Variants in CCDC172 observed in about 807,000 individuals in gnomAD.
CCDC172 encodes the protein coiled-coil domain containing 172, also known as coiled-coil domain-containing protein 172.
CCDC172 carries 30 observed loss-of-function variants against 38.0 expected under a neutral mutation model. That is an observed-to-expected ratio of 0.79 (90% CI 0.59 to 1.07). The LOEUF is 1.07. CCDC172 is among the 50% of genes least tolerant of loss of function. The pLI is 0.00. For missense variants in CCDC172, 297 were observed against 290.1 expected, an observed-to-expected ratio of 1.02 and a Z score of -0.17; for synonymous variants, 78 against 88.3, an observed-to-expected ratio of 0.88 and a Z score of 0.66.
chr10:116,357,912 G>T lies in CCDC172; in HGVS notation c.627G>T (p.Lys209Asn). 2.5e-6 allele frequency: 4 copies of T among 1,575,672 alleles called. No individual in the cohort carries two copies. The highest frequency in any genetic ancestry group is 3.4e-6 in the Non-Finnish European group (4 of 1,159,736). Residue 209 changes from lysine to asparagine, a missense_variant, in exon 7 of 9, where the codon AAG (lysine) becomes AAT (asparagine). Coordinates refer to ENST00000333254, the MANE Select transcript of CCDC172 (RefSeq NM_198515.3). ...LEAEKIKISE[K>N]PQNDTECLRL... is the part of the protein sequence containing the mutation. ...CAGAAAAAATAAAAATCAGTGAAAAGCCTCAAAATGATACAGAATGCTTAA... is the reference window on the plus strand; with the variant it reads ...CAGAAAAAATAAAAATCAGTGAAAATCCTCAAAATGATACAGAATGCTTAA...
At chr10:116,345,417 C>T (rs942784608) in intron 5 of CCDC172, among the ~76,000 whole-genome samples, 1 of 151,874 alleles carries the variant, frequency 6.6e-6, no homozygotes, top group Admixed American at 6.6e-5. Flanking sequence ...AAATCTTTTC[C>T]ATCTTGGAAT....
At chr10:116,351,663 C>T (rs1423170055) in intron 5 of CCDC172, among the ~76,000 whole-genome samples, 1 of 152,076 alleles carries the variant, frequency 6.6e-6, no homozygotes, top group Non-Finnish European at 1.5e-5. Context: ...TCTATCACAA[C>T]TAAAAGACTG....
intron 3 of CCDC172, among the ~76,000 whole-genome samples, chr10:116,338,213 C>G (rs1844753277): frequency 6.6e-6 from 1 of 152,036 alleles, no homozygotes; most frequent in Non-Finnish European, 1.5e-5. Context: ...TTTAACTTTC[C>G]CAAACTCCTG....
intron 7 of CCDC172, among the ~76,000 whole-genome samples, chr10:116,359,568 A>G (rs1361945842): frequency 6.6e-6 from 1 of 152,158 alleles, no homozygotes; most frequent in Non-Finnish European, 1.5e-5. Flanking sequence ...TAGATGCAGT[A>G]GCACCCTGCA....
At chr10:116,366,337 CG>C (rs1845122127) in intron 7 of CCDC172, among the ~76,000 whole-genome samples, 1 of 151,944 alleles carries the variant, frequency 6.6e-6, no homozygotes, top group Non-Finnish European at 1.5e-5. Context: ...TTGTGCATGT[CG>C]TTCTACAATG....
chr10:116,335,123 C>T (rs538939720), intron 3 of CCDC172, among the ~76,000 whole-genome samples: 4 of 151,802 alleles, frequency 2.6e-5, no homozygotes, highest in African/African-American at 9.7e-5. Flanking sequence ...AGTTTGTTTC[C>T]GAATCCATTC....
At chr10:116,351,261 A>G (rs1264781482) in intron 5 of CCDC172, among the ~76,000 whole-genome samples, 1 of 152,108 alleles carries the variant, frequency 6.6e-6, no homozygotes, top group Non-Finnish European at 1.5e-5. Flanking sequence ...GATTCCCTCT[A>G]TTGAATATTA....
At position 116,357,878 on chromosome 10, in the gene CCDC172, A is replaced by T; in HGVS notation, c.593A>T (p.Tyr198Phe). 1 of 1,571,470 alleles carries T rather than the reference A, an allele frequency of 6.4e-7. No individual in the cohort carries two copies. Among genetic ancestry groups the T allele is most frequent in the Non-Finnish European group, 8.6e-7 (1 of 1,158,180 alleles). ...AATGAATCCATTTGTACTACCAAAT[A>T]TCTAGAGGCAGAAAAAATAAAAATC... ...EENESICTTK[Y>F]LEAEKIKISE... The change falls in exon 7 of 9, where the codon TAT (tyrosine) becomes TTT (phenylalanine). Residue 198 changes from tyrosine (Y) to phenylalanine (F), a missense_variant. Transcript: ENST00000333254.
At chr10:116,351,792 A>G (rs1298295471) in intron 5 of CCDC172, among the ~76,000 whole-genome samples, 1 of 152,162 alleles carries the variant, frequency 6.6e-6, no homozygotes, top group Non-Finnish European at 1.5e-5. Flanking sequence ...TTCTCACTGG[A>G]TATAGTTTTT....
chr10:116,345,382 A>G (rs1442139944), intron 5 of CCDC172, among the ~76,000 whole-genome samples: 2 of 152,200 alleles, frequency 1.3e-5, no homozygotes, highest in African/African-American at 4.8e-5. Flanking sequence ...AAAATTATGA[A>G]TTTCCTAGAA....
chr10:116,376,754 T>C (rs1845250576), intron 7 of CCDC172, among the ~76,000 whole-genome samples: 1 of 152,136 alleles, frequency 6.6e-6, no homozygotes, highest in African/African-American at 2.4e-5. Flanking sequence ...TTAAGGATTA[T>C]CTTGGCAATT....
Position 116,378,376 on chromosome 10 carries a change from T to G in CCDC172, c.654-47T>G, listed in dbSNP as rs1375708888. On this transcript the variant is annotated intron_variant, in intron 7 of 8. Coordinates refer to ENST00000333254, the MANE Select transcript of CCDC172 (RefSeq NM_198515.3). The stretch of plus-strand genomic sequence containing the variant: ...TGTCCCTCTCTGTGCAGTAATACAA[T>G]TACAGTTTATTATTAAACTAACAGG... 2.0e-6 allele frequency: 3 copies of G among 1,530,578 alleles called. No homozygotes were observed. In the African/African-American group the frequency reaches 4.2e-5, roughly 22 times the overall value. 94.8% of individuals were successfully genotyped at this position (1,530,578 alleles called of 1,614,324 possible).
At chr10:116,366,889 T>C (rs927874542) in intron 7 of CCDC172, among the ~76,000 whole-genome samples, 1 of 152,256 alleles carries the variant, frequency 6.6e-6, no homozygotes, top group African/African-American at 2.4e-5. Context: ...TGATCTCTAA[T>C]GGCCTTGTCC....
At chr10:116,340,965 C>A in intron 4 of CCDC172, 115 bp downstream of exon 4, 1 of 703,152 alleles carries the variant, frequency 1.4e-6, no homozygotes, top group Non-Finnish European at 2.5e-6. Context: ...GGTAGTACTG[C>A]TCAGATACAG....
At chr10:116,354,086 C>T (rs1362887638) in intron 5 of CCDC172, among the ~76,000 whole-genome samples, 1 of 152,140 alleles carries the variant, frequency 6.6e-6, no homozygotes, top group African/African-American at 2.4e-5. Flanking sequence ...CCATGTATGA[C>T]AGTGGTGCAA....
intron 7 of CCDC172, among the ~76,000 whole-genome samples, chr10:116,360,285 A>G (rs938482766): frequency 1.3e-5 from 2 of 152,184 alleles, no homozygotes; most frequent in Non-Finnish European, 2.9e-5. Flanking sequence ...GGCAGTAAGC[A>G]TAGTGGTTAA....
At chr10:116,337,742 A>T (rs1844748880) in intron 3 of CCDC172, among the ~76,000 whole-genome samples, 1 of 152,174 alleles carries the variant, frequency 6.6e-6, no homozygotes, top group Admixed American at 6.5e-5. Context: ...CTAACATTTT[A>T]TGTATTATCT....
intron 7 of CCDC172, among the ~76,000 whole-genome samples, chr10:116,359,321 T>C (rs1845036889): frequency 6.6e-6 from 1 of 152,198 alleles, no homozygotes. Flanking sequence ...ATGTTGTTAT[T>C]GAATTTTGGG....
intron 5 of CCDC172, among the ~76,000 whole-genome samples, chr10:116,355,866 G>A (rs1035646376): frequency 1.6e-4 from 24 of 151,388 alleles, no homozygotes; most frequent in African/African-American, 5.1e-4. Context: ...TTTCTTTGGT[G>A]GGGGGAGTGA....
Sources: gnomAD v4.1 joint callset for allele counts (sites outside exome capture counted in the v4.1 genomes callset) on GRCh38, gnomAD v4.1.1 for gene constraint, MANE v1.5 for transcripts, NCBI Gene and HGNC (gene_info 2026-07-23, HGNC 2026-07-21) for gene names.